RGS6: variants seen among roughly 807,000 people sequenced by gnomAD.
RGS6 encodes regulator of G-protein signaling 6.
RGS6 carries 30 observed loss-of-function variants against 78.5 expected under a neutral mutation model. The observed-to-expected ratio is 0.38, with a 90% CI of 0.29 to 0.52. RGS6 has a LOEUF of 0.52. RGS6 is among the 20% of genes least tolerant of loss of function. RGS6 has a pLI of 0.85. For synonymous variants in RGS6, 206 were observed against 206.0 expected (o/e 1.00, Z 0.00); for missense variants, 495 against 609.7 (o/e 0.81, Z 1.98).
intron 3 of RGS6, among the ~76,000 whole-genome samples, chr14:72,397,448 G>T (rs889494837): frequency 2.6e-5 from 4 of 151,654 alleles, no homozygotes; most frequent in Admixed American, 6.6e-5. Flanking sequence ...GGAGATTTTG[G>T]GCTGAGACGA....
chr14:72,401,301 T>G (rs1251380551), intron 3 of RGS6, among the ~76,000 whole-genome samples: 1 of 152,122 alleles, frequency 6.6e-6, no homozygotes, highest in Admixed American at 6.6e-5. Context: ...TAATTTTGAC[T>G]GAGCCTCTTT....
intron 2 of RGS6, among the ~76,000 whole-genome samples, chr14:72,312,993 C>G (rs1242727834): frequency 6.6e-6 from 1 of 152,184 alleles, no homozygotes; most frequent in Non-Finnish European, 1.5e-5. Context: ...CTAAGAGATT[C>G]TCTGGCATTA....
chr14:72,331,461 G>A (rs1567775908), intron 2 of RGS6, among the ~76,000 whole-genome samples: 1 of 152,166 alleles, frequency 6.6e-6, no homozygotes, highest in Non-Finnish European at 1.5e-5. Flanking sequence ...GGAATATGGT[G>A]CAGTATTCAG....
At chr14:72,364,588 C>G (rs1438040352) in intron 3 of RGS6, among the ~76,000 whole-genome samples, 1 of 152,200 alleles carries the variant, frequency 6.6e-6, no homozygotes, top group Non-Finnish European at 1.5e-5. Flanking sequence ...AACTTTTTCT[C>G]TTCTCTATTG....
chr14:72,579,885 AG>A, the RGS6 span, among the ~76,000 whole-genome samples: 1 of 152,210 alleles, frequency 6.6e-6, no homozygotes, highest in African/African-American at 2.4e-5. Flanking sequence ...CCATCAGGAA[AG>A]GGTTCAAAGA....
intron 2 of RGS6, among the ~76,000 whole-genome samples, chr14:72,111,975 T>C (rs1205374996): frequency 6.6e-6 from 1 of 152,218 alleles, no homozygotes; most frequent in Non-Finnish European, 1.5e-5. Flanking sequence ...GGTTTTACTT[T>C]TCTCCTTGGC....
chr14:72,040,789 A>G (rs988129907), intron 2 of RGS6, among the ~76,000 whole-genome samples: 13 of 152,092 alleles, frequency 8.5e-5, no homozygotes, highest in African/African-American at 2.9e-4. Context: ...TTGACTAGAA[A>G]ATTTCAAATG....
At chr14:71,962,568 T>C (rs1313042994) in intron 1 of RGS6, among the ~76,000 whole-genome samples, 1 of 152,222 alleles carries the variant, frequency 6.6e-6, no homozygotes, top group Admixed American at 6.5e-5. Flanking sequence ...TGTGTGTTGT[T>C]CATTTAATTT....
chr14:72,067,331 A>G (rs1412033390), intron 2 of RGS6, among the ~76,000 whole-genome samples: 5 of 152,110 alleles, frequency 3.3e-5, no homozygotes, highest in East Asian at 1.9e-4. Flanking sequence ...GGACAAGGGG[A>G]GAGAGAGCAT....
intron 16 of RGS6, 49 bp from the exon 17 acceptor site, chr14:72,539,992 T>C: frequency 1.4e-6 from 2 of 1,394,688 alleles, no homozygotes; most frequent in Non-Finnish European, 1.9e-6. Flanking sequence ...AAGCTGAAGA[T>C]TTTTTTTTTC....
chr14:72,336,398 G>A (rs1320368060), intron 2 of RGS6, among the ~76,000 whole-genome samples: 1 of 152,070 alleles, frequency 6.6e-6, no homozygotes, highest in East Asian at 1.9e-4. Flanking sequence ...GCTAAGCTTT[G>A]AAGTACTATA....
intron 2 of RGS6, among the ~76,000 whole-genome samples, chr14:72,317,520 C>T (rs960690164): frequency 6.6e-6 from 1 of 152,092 alleles, no homozygotes; most frequent in African/African-American, 2.4e-5. Flanking sequence ...GCAAATTTAC[C>T]TAGTGATTCT....
intron 2 of RGS6, among the ~76,000 whole-genome samples, chr14:72,010,736 A>T (rs1226177558): frequency 6.6e-6 from 1 of 152,240 alleles, no homozygotes; most frequent in African/African-American, 2.4e-5. Flanking sequence ...TTTTCCAAAC[A>T]GGGCAGTTTC....
At chr14:72,265,416 C>T (rs547033374) in intron 2 of RGS6, among the ~76,000 whole-genome samples, 100 of 152,240 alleles carry the variant, frequency 6.6e-4, no homozygotes, top group Non-Finnish European at 1.2e-3. Flanking sequence ...CATGTGCTGC[C>T]AGGTACTGGT....
chr14:72,296,720 T>C (rs552521583), intron 2 of RGS6, among the ~76,000 whole-genome samples: 2 of 152,300 alleles, frequency 1.3e-5, no homozygotes, highest in African/African-American at 4.8e-5. Context: ...TGGGAAATAT[T>C]TTCTCCCAAT....
At chr14:72,067,673 T>C (rs991913947) in intron 2 of RGS6, among the ~76,000 whole-genome samples, 14 of 152,108 alleles carry the variant, frequency 9.2e-5, no homozygotes, top group Non-Finnish European at 1.8e-4. Context: ...TAACAAACTT[T>C]AAAAACTTAA....
chr14:72,264,425 T>C (rs193292510), intron 2 of RGS6, among the ~76,000 whole-genome samples: 1 of 152,226 alleles, frequency 6.6e-6, no homozygotes, highest in African/African-American at 2.4e-5. Context: ...GGGCAAAGAA[T>C]TAGAAAGCCA....
intron 2 of RGS6, among the ~76,000 whole-genome samples, chr14:72,186,641 G>C (rs942010745): frequency 3.3e-5 from 5 of 152,062 alleles, no homozygotes. Flanking sequence ...TAACCCTCCT[G>C]CTCTGCCTGC....
intron 2 of RGS6, among the ~76,000 whole-genome samples, chr14:72,295,087 C>G (rs575469771): frequency 1.1e-4 from 17 of 151,888 alleles, no homozygotes; most frequent in Middle Eastern, 3.4e-3. Context: ...GTCAGGAGAT[C>G]GAGACCATCC....
Sources: allele counts gnomAD v4.1 joint callset (sites outside exome capture counted in the v4.1 genomes callset), GRCh38; gene constraint gnomAD v4.1.1; transcripts MANE v1.5; gene names NCBI Gene and HGNC (gene_info 2026-07-23, HGNC 2026-07-21).